The following PCYT1B variants were observed in gnomAD, a reference collection of about 807,000 sequenced individuals.
The protein encoded by PCYT1B is phosphate cytidylyltransferase 1B, choline, also known as choline-phosphate cytidylyltransferase B.
A neutral mutation model predicts 26.4 loss-of-function variants in PCYT1B; 10 were observed. That is an observed-to-expected ratio of 0.38 (90% CI 0.23 to 0.64). PCYT1B has a LOEUF of 0.64. Ranked by LOEUF, PCYT1B falls within the 30% of genes least tolerant of loss-of-function variation. The pLI, the probability that PCYT1B is intolerant of heterozygous loss-of-function variation, is 0.56. For synonymous variants in PCYT1B, 131 were observed against 108.4 expected (o/e 1.21, Z -1.29); for missense variants, 161 against 292.7 (o/e 0.55, Z 3.28).
At chrX:24,565,016 G>A (rs985051007) in intron 7 of PCYT1B, among the ~76,000 whole-genome samples, 3 of 110,275 alleles carry the variant, frequency 2.7e-5, no homozygotes, top group Middle Eastern at 4.6e-3. Flanking sequence ...AGGAGGTTTC[G>A]GTGGTTAAGA....
chrX:24,669,871 C>T (rs985311233), intron 1 of PCYT1B, among the ~76,000 whole-genome samples: 1 of 108,298 alleles, frequency 9.2e-6, no homozygotes, highest in Non-Finnish European at 1.9e-5. Flanking sequence ...GCAAAACCCC[C>T]ATCTCTACAA....
chrX:24,568,406 G>A (rs1409175746), intron 7 of PCYT1B, among the ~76,000 whole-genome samples: 1 of 111,230 alleles, frequency 9.0e-6, no homozygotes, highest in African/African-American at 3.3e-5. Context: ...GGGCATGGTG[G>A]TATGCACCTG....
chrX:24,616,971 A>G (rs142580839), intron 2 of PCYT1B, among the ~76,000 whole-genome samples: 37 of 111,864 alleles, frequency 3.3e-4, no homozygotes, highest in African/African-American at 1.1e-3. Context: ...CCACTTACCA[A>G]TGGTTCTCCC....
At chrX:24,579,204 A>AGT in intron 6 of PCYT1B, 112 bp downstream of exon 6, 3 of 596,761 alleles carry the variant, frequency 5.0e-6, no homozygotes, top group Non-Finnish European at 7.6e-6. Flanking sequence ...AAAAAAAGAG[A>AGT]GAGAGAGAGG....
intron 6 of PCYT1B, among the ~76,000 whole-genome samples, chrX:24,578,258 T>C (rs1318581346): frequency 9.1e-6 from 1 of 109,687 alleles, no homozygotes; most frequent in Non-Finnish European, 1.9e-5. Flanking sequence ...AAACACCGCG[T>C]GTTCTCACTC....
chrX:24,647,269 CCG>C lies in PCYT1B; in HGVS notation c.-166_-165del. ...CTAGGGGAAGTAAAGAGGTTACCCC[CCG>C]CCCCTCTCTCTCTCTCTCTCTCCCA... On this transcript the variant is annotated 5_prime_UTR_variant, in exon 1 of 8. Transcript: ENST00000379144. 9.6e-7 allele frequency: 1 copy of C among 1,041,800 alleles called. No homozygotes were observed. 85.9% of individuals were successfully genotyped at this position (1,041,800 alleles called of 1,213,427 possible).
At chrX:24,627,385 G>C (rs1925916657) in intron 1 of PCYT1B, among the ~76,000 whole-genome samples, 1 of 111,485 alleles carries the variant, frequency 9.0e-6, no homozygotes, top group Non-Finnish European at 1.9e-5. Context: ...CCAGGGTGGA[G>C]TGCAGTGGCG....
At position 24,657,429 on chromosome X, in the gene PCYT1B, A is replaced by G. The variant is rs192620872; in HGVS notation, c.63+15141T>C. 2.6e-4 allele frequency among the ~76,000 whole-genome samples: 29 copies of G among 112,598 alleles called. 1 individual carries two copies. The East Asian group carries it at 6.4e-3, about 25-fold the overall frequency. The stretch of plus-strand genomic sequence containing the variant: ...TGAATGTCAGTGGATGAGTAAGACC[A>G]TAGGTAATTTTCAACACTTAAGGGC... On this transcript the variant is annotated intron_variant, in intron 1 of 7. Coordinates refer to the PCYT1B transcript ENST00000379145.
In PCYT1B at chrX:24,607,800, T is replaced by C. The variant is rs756187564; in HGVS notation, c.279A>G (p.Ala93=). The change falls in exon 3 of 8, where the codon GCA becomes GCG. Residue 93 remains alanine (A), a synonymous_variant. Coordinates refer to ENST00000379144, the MANE Select transcript of PCYT1B (RefSeq NM_004845.5). ...GIFDLFHSGH[A]RALMQAKTLF... ...GTGTTTTTGCTTGCATAAGGGCTCTTGCATGACCTGAGTGGAAGAGGTCAA... is the reference window on the plus strand; with the variant it reads ...GTGTTTTTGCTTGCATAAGGGCTCTCGCATGACCTGAGTGGAAGAGGTCAA... The C allele has an allele frequency of 6.7e-6, 8 of 1,200,516 alleles. No individual in the cohort carries two copies. In the African/African-American group the frequency reaches 1.4e-4, roughly 21 times the overall value.
rs866782481 is a variant in PCYT1B at position 24,562,167 on chromosome X, G to C, written c.*126C>G. 1.7e-6 allele frequency: 2 copies of C among 1,204,442 alleles called. No individual in the cohort carries two copies. The highest frequency in any genetic ancestry group is 2.2e-5 in the Admixed American group (1 of 45,277). ...GGTCCCAAGACCTTCCCTTAGCAGA[G>C]TTCAGGGTCTCTCTGCTGAGCTGCA... On this transcript the variant is annotated 3_prime_UTR_variant, in exon 8 of 8. Transcript: ENST00000379144.
intron 1 of PCYT1B, among the ~76,000 whole-genome samples, chrX:24,624,303 C>T (rs1925820129): frequency 9.0e-6 from 1 of 111,546 alleles, no homozygotes; most frequent in Non-Finnish European, 1.9e-5. Flanking sequence ...TGGGGCAATC[C>T]CGTCAGACAG....
chrX:24,668,362 A>C (rs1260221528), intron 1 of PCYT1B, among the ~76,000 whole-genome samples: 4 of 112,184 alleles, frequency 3.6e-5, no homozygotes, highest in Admixed American at 2.8e-4. Flanking sequence ...TTATCTCACC[A>C]TGAAGACTTG....
intron 1 of PCYT1B, chrX:24,658,068 G>A (rs1357893077): frequency 9.0e-6 from 1 of 111,631 alleles, no homozygotes; most frequent in Non-Finnish European, 1.9e-5. Context: ...AGCAAGTACT[G>A]CAGGGTCCTG....
rs139192230 is a variant in PCYT1B at position 24,611,594 on chromosome X, G to A, written c.218-3733C>T. 3.0e-3 allele frequency among the ~76,000 whole-genome samples: 331 copies of A among 111,725 alleles called. 1 individual carries two copies. The highest frequency in any genetic ancestry group is 1.0e-2 in the African/African-American group (307 of 30,750). ...TTGTGTAATTCCCACCCCTTGAAGT[G>A]CGTGTGGGACCTGTAACTTGCTTCT... On this transcript the variant is annotated intron_variant, in intron 2 of 7. Transcript: ENST00000379144.
intron 1 of PCYT1B, among the ~76,000 whole-genome samples, chrX:24,652,538 G>A (rs948151313): frequency 1.9e-5 from 2 of 105,904 alleles, no homozygotes; most frequent in Non-Finnish European, 3.9e-5. Context: ...CAGCCTGGGC[G>A]ACAAGAGCGA....
chrX:24,661,465 A>G (rs1927028289), intron 1 of PCYT1B, among the ~76,000 whole-genome samples: 1 of 112,207 alleles, frequency 8.9e-6, no homozygotes, highest in African/African-American at 3.2e-5. Flanking sequence ...AAAGACAGGC[A>G]ATACCAAACA....
At chrX:24,666,656 A>G (rs932240771) in intron 1 of PCYT1B, among the ~76,000 whole-genome samples, 1 of 109,848 alleles carries the variant, frequency 9.1e-6, no homozygotes, top group Non-Finnish European at 1.9e-5. Context: ...AGAGAGAGAG[A>G]GAATTTGTAG....
At chrX:24,583,708 C>CATT (rs1924276129) in intron 5 of PCYT1B, among the ~76,000 whole-genome samples, 1 of 112,010 alleles carries the variant, frequency 8.9e-6, no homozygotes, top group Non-Finnish European at 1.9e-5. Flanking sequence ...TATTCCTATA[C>CATT]ACTATAAGGT....
rs183961969 is a variant in PCYT1B at position 24,628,069 on chromosome X, A to G, written c.118-8985T>C. On this transcript the variant is annotated intron_variant, in intron 1 of 7. Coordinates refer to ENST00000379144, the MANE Select transcript of PCYT1B (RefSeq NM_004845.5). ...AGATGTCAGGTAGACAGTTGGATGT[A>G]TAAGTCTGGTGTTTGGGAGAAAGGA... Among the ~76,000 whole-genome samples, 123 of 112,042 alleles carry G rather than the reference A, an allele frequency of 1.1e-3. 1 individual carries two copies. Among genetic ancestry groups the G allele is most frequent in the Admixed American group, 1.9e-3 (20 of 10,503 alleles).
Sources: allele counts gnomAD v4.1 joint callset (sites outside exome capture counted in the v4.1 genomes callset), GRCh38; gene constraint gnomAD v4.1.1; transcripts MANE v1.5; gene names NCBI Gene and HGNC (gene_info 2026-07-23, HGNC 2026-07-21).